NCAM2: variants seen among roughly 807,000 people sequenced by gnomAD.
NCAM2 encodes neural cell adhesion molecule 2.
In NCAM2, 30 loss-of-function variants were observed where a neutral mutation model predicts 98.1. The observed-to-expected ratio is 0.31, with a 90% confidence interval of 0.23 to 0.41. NCAM2 has a LOEUF of 0.41. Among genes scored for constraint, NCAM2 ranks in the 10% least tolerant of loss-of-function variants. The probability of loss-of-function intolerance (pLI) is 1.00; values close to 1 mark genes in which losing one functional copy is unlikely to be tolerated. For synonymous variants in NCAM2, 368 were observed against 342.4 expected (o/e 1.07, Z -0.83); for missense variants, 867 against 1,005.8 (o/e 0.86, Z 1.87).
At chr21:21,149,595 T>G (rs2067387310) in intron 1 of NCAM2, among the ~76,000 whole-genome samples, 1 of 150,732 alleles carries the variant, frequency 6.6e-6, no homozygotes, top group Non-Finnish European at 1.5e-5. Context: ...GGGCCCGGTG[T>G]GTGCTGTTTC....
chr21:21,507,037 A>C (rs541413027), intron 15 of NCAM2, among the ~76,000 whole-genome samples: 1 of 149,838 alleles, frequency 6.7e-6, no homozygotes, highest in South Asian at 2.1e-4. Flanking sequence ...AAATTGAATG[A>C]TTTTTTTTTT....
chr21:21,150,256 A>T (rs139652094), intron 1 of NCAM2, among the ~76,000 whole-genome samples: 2 of 152,118 alleles, frequency 1.3e-5, no homozygotes, highest in African/African-American at 4.8e-5. Context: ...ATAGTTTTTT[A>T]AAATGTAATT....
chr21:21,161,248 A>G (rs2067772936), intron 1 of NCAM2, among the ~76,000 whole-genome samples: 1 of 152,020 alleles, frequency 6.6e-6, no homozygotes, highest in Non-Finnish European at 1.5e-5. Flanking sequence ...GATTATAGAG[A>G]AAAAAAGATA....
At chr21:21,408,932 AT>A (rs2076797429) in intron 9 of NCAM2, among the ~76,000 whole-genome samples, 1 of 150,280 alleles carries the variant, frequency 6.7e-6, no homozygotes, top group Non-Finnish European at 1.5e-5. Flanking sequence ...CATATCTGAT[AT>A]TTATATAATT....
At chr21:21,225,869 G>A (rs143080825) in intron 1 of NCAM2, among the ~76,000 whole-genome samples, 15 of 152,066 alleles carry the variant, frequency 9.9e-5, no homozygotes, top group Middle Eastern at 3.4e-3. Context: ...AAAGAAACCT[G>A]CATTTATATG....
At chr21:21,105,396 G>GAGTT (rs891554390) in intron 1 of NCAM2, among the ~76,000 whole-genome samples, 13 of 152,190 alleles carry the variant, frequency 8.5e-5, no homozygotes, top group African/African-American at 2.6e-4. Flanking sequence ...AAGCTAAAAG[G>GAGTT]AGTTGTCCAG....
At chr21:21,317,786 C>T (rs569843794) in intron 5 of NCAM2, among the ~76,000 whole-genome samples, 3 of 152,272 alleles carry the variant, frequency 2.0e-5, no homozygotes, top group Non-Finnish European at 2.9e-5. Flanking sequence ...TCTCCTGCCT[C>T]AGCCTCCCAG....
At chr21:21,261,674 G>A (rs914550539) in intron 1 of NCAM2, among the ~76,000 whole-genome samples, 3 of 152,040 alleles carry the variant, frequency 2.0e-5, no homozygotes, top group Non-Finnish European at 4.4e-5. Flanking sequence ...TGAAAATAGA[G>A]ACACAACATA....
intron 1 of NCAM2, among the ~76,000 whole-genome samples, chr21:21,196,592 A>G (rs2069013603): frequency 6.6e-6 from 1 of 152,200 alleles, no homozygotes; most frequent in African/African-American, 2.4e-5. Context: ...CACAAGATCA[A>G]ATTCTAGAGG....
intron 8 of NCAM2, among the ~76,000 whole-genome samples, chr21:21,360,962 C>G (rs973652324): frequency 3.9e-5 from 6 of 152,042 alleles, no homozygotes; most frequent in African/African-American, 1.4e-4. Context: ...CAAAACTCCT[C>G]TATCATCAAA....
At chr21:21,102,623 AG>A (rs901799264) in intron 1 of NCAM2, among the ~76,000 whole-genome samples, 2 of 150,834 alleles carry the variant, frequency 1.3e-5, no homozygotes, top group South Asian at 4.2e-4. Flanking sequence ...ATAAGTTTTG[AG>A]GGGGGAAAAA....
chr21:21,482,663 T>A (rs1343578288), intron 15 of NCAM2, among the ~76,000 whole-genome samples: 2 of 151,844 alleles, frequency 1.3e-5, no homozygotes. Flanking sequence ...CCCTTTACAT[T>A]CATATAAAAT....
intron 7 of NCAM2, among the ~76,000 whole-genome samples, chr21:21,336,227 T>A (rs1439102389): frequency 6.6e-6 from 1 of 152,174 alleles, no homozygotes; most frequent in African/African-American, 2.4e-5. Flanking sequence ...AAGACAGTGA[T>A]GGCAGTGGGT....
chr21:21,471,809 G>C (rs962585103), intron 14 of NCAM2, among the ~76,000 whole-genome samples: 3 of 151,950 alleles, frequency 2.0e-5, no homozygotes, highest in Non-Finnish European at 4.4e-5. Context: ...CCATTATTCT[G>C]TCAGCCTGTA....
chr21:21,502,909 T>C (rs768938331), intron 15 of NCAM2, among the ~76,000 whole-genome samples: 4 of 151,972 alleles, frequency 2.6e-5, no homozygotes, highest in Non-Finnish European at 5.9e-5. Flanking sequence ...CTGGAGAAGA[T>C]GATACATGCA....
Position 21,534,629 on chromosome 21 carries a change from A to G in NCAM2, c.2375A>G (p.Asn792Ser), listed in dbSNP as rs1269871350. Residue 792 changes from asparagine to serine, a missense_variant, in exon 17 of 18, where the codon AAT (asparagine) becomes AGT (serine). Coordinates refer to ENST00000400546, the MANE Select transcript of NCAM2 (RefSeq NM_004540.5). The stretch of plus-strand genomic sequence containing the variant: ...GATGGGAGCCCAGTAAATGAGCCAA[A>G]TGAAACCACACCACTGACAGAACCT... Reference protein sequence around the residue: ...HEDGSPVNEPNETTPLTEPEK... With the variant: ...HEDGSPVNEPSETTPLTEPEK... 1.9e-6 allele frequency: 3 copies of G among 1,611,504 alleles called. No individual in the cohort carries two copies. Among genetic ancestry groups the G allele is most frequent in the Non-Finnish European group, 2.5e-6 (3 of 1,178,758 alleles).
intron 1 of NCAM2, among the ~76,000 whole-genome samples, chr21:21,259,946 ACACACAC>A (rs2147338971): frequency 6.7e-6 from 1 of 148,376 alleles, no homozygotes; most frequent in Admixed American, 6.7e-5. Context: ...ACACACACAC[ACACACAC>A]ACACACACAC....
chr21:21,267,172 CA>C (rs2072314809), intron 1 of NCAM2, among the ~76,000 whole-genome samples: 1 of 152,096 alleles, frequency 6.6e-6, no homozygotes, highest in Non-Finnish European at 1.5e-5. Flanking sequence ...TGTTTATTAT[CA>C]TACTAGTTAG....
chr21:21,415,581 C>T (rs189129379), intron 10 of NCAM2, among the ~76,000 whole-genome samples: 41 of 151,866 alleles, frequency 2.7e-4, no homozygotes, highest in African/African-American at 2.9e-4. Context: ...GTGATCTGCC[C>T]GCCTCGGCCT....
Sources: allele counts gnomAD v4.1 joint callset (sites outside exome capture counted in the v4.1 genomes callset), GRCh38; gene constraint gnomAD v4.1.1; transcripts MANE v1.5; gene names NCBI Gene and HGNC (gene_info 2026-07-23, HGNC 2026-07-21).